The following HORMAD2 variants were observed in gnomAD, a reference collection of about 807,000 sequenced individuals.
HORMAD2 encodes the protein HORMA domain containing 2.
HORMAD2 carries 45 observed loss-of-function variants against 38.8 expected under a neutral mutation model. That is an observed-to-expected ratio of 1.16 (90% CI 0.91 to 1.49). The LOEUF is 1.49. HORMAD2 is among the 40% of genes most tolerant of loss of function. The pLI is 0.00. For synonymous variants in HORMAD2, 126 were observed against 122.8 expected (o/e 1.03, Z -0.17); for missense variants, 338 against 367.0 (o/e 0.92, Z 0.65).
intron 1 of HORMAD2, among the ~76,000 whole-genome samples, chr22:30,088,125 G>GTGTACATATACACACA (rs754223815): frequency 0.066 from 9,861 of 149,258 alleles, 416 homozygotes; most frequent in Non-Finnish European, 0.083. Flanking sequence ...ATACACACAC[G>GTGTACATATACACACA]TACACATGTG....
intron 1 of HORMAD2, among the ~76,000 whole-genome samples, chr22:30,091,465 C>G (rs1207053436): frequency 6.6e-6 from 1 of 151,754 alleles, no homozygotes; most frequent in Non-Finnish European, 1.5e-5. Context: ...AGGGTTTCAC[C>G]ATGTTGCCTA....
intron 10 of HORMAD2, among the ~76,000 whole-genome samples, chr22:30,166,967 A>G (rs1208635721): frequency 1.3e-5 from 2 of 152,244 alleles, no homozygotes; most frequent in African/African-American, 4.8e-5. Flanking sequence ...GTAACAAATT[A>G]CAAGTTTGGT....
At chr22:30,190,504 G>A in the HORMAD2 span, among the ~76,000 whole-genome samples, 1 of 152,186 alleles carries the variant, frequency 6.6e-6, no homozygotes, top group African/African-American at 2.4e-5. Flanking sequence ...GTCCCCATTG[G>A]CACCTGTTTA....
At chr22:30,188,074 T>A in the HORMAD2 span, among the ~76,000 whole-genome samples, 248 of 151,782 alleles carry the variant, frequency 1.6e-3, no homozygotes, top group African/African-American at 5.2e-3. Flanking sequence ...ATATCTTTTT[T>A]AAAAAAAACA....
intron 10 of HORMAD2, among the ~76,000 whole-genome samples, chr22:30,127,459 G>T (rs898162507): frequency 6.6e-6 from 1 of 151,874 alleles, no homozygotes; most frequent in African/African-American, 2.4e-5. Context: ...CGCCCACCTC[G>T]GCCTCCCAAA....
At chr22:30,133,895 G>A (rs1231951804) in intron 10 of HORMAD2, among the ~76,000 whole-genome samples, 1 of 152,080 alleles carries the variant, frequency 6.6e-6, no homozygotes. Context: ...GGTGTGGAGT[G>A]TGTGTGCCCT....
intron 10 of HORMAD2, among the ~76,000 whole-genome samples, chr22:30,167,022 G>A (rs12157715): frequency 5.9e-5 from 9 of 152,342 alleles, no homozygotes; most frequent in African/African-American, 2.2e-4. Context: ...CTGGATGCCA[G>A]AAGTCCAAAA....
At chr22:30,082,805 AAAAAG>A (rs1555936221) in intron 1 of HORMAD2, among the ~76,000 whole-genome samples, 33 of 151,730 alleles carry the variant, frequency 2.2e-4, no homozygotes, top group Admixed American at 5.3e-4. Context: ...CAAAAAAAAA[AAAAAG>A]AAAAGAAAAG....
At chr22:30,165,996 T>C (rs5997585) in intron 10 of HORMAD2, among the ~76,000 whole-genome samples, 32 of 151,698 alleles carry the variant, frequency 2.1e-4, no homozygotes, top group African/African-American at 7.5e-4. Flanking sequence ...TTCTTCTTCT[T>C]TTTTTATTCT....
At chr22:30,157,540 T>G (rs1282271547) in intron 10 of HORMAD2, among the ~76,000 whole-genome samples, 3 of 151,876 alleles carry the variant, frequency 2.0e-5, no homozygotes, top group African/African-American at 7.3e-5. Flanking sequence ...ATAAAAAAAG[T>G]CAGACGAATA....
chr22:30,104,678 T>C (rs1921056306), intron 5 of HORMAD2: 2 of 361,398 alleles, frequency 5.5e-6, no homozygotes, highest in Admixed American at 4.8e-5. Flanking sequence ...GAGTTTCCTC[T>C]GAAGTCACTG....
At chr22:30,145,561 A>T (rs1201857489) in intron 10 of HORMAD2, among the ~76,000 whole-genome samples, 1 of 152,232 alleles carries the variant, frequency 6.6e-6, no homozygotes, top group Non-Finnish European at 1.5e-5. Flanking sequence ...ATTTTAAAAT[A>T]TCACTGGATG....
chr22:30,108,590 T>C (rs1425237467), intron 5 of HORMAD2, among the ~76,000 whole-genome samples: 1 of 152,138 alleles, frequency 6.6e-6, no homozygotes, highest in Admixed American at 6.6e-5. Context: ...GACACCCTCC[T>C]CCCTAGCCTA....
chr22:30,142,488 T>C (rs1327625302), intron 10 of HORMAD2, among the ~76,000 whole-genome samples: 1 of 152,194 alleles, frequency 6.6e-6, no homozygotes, highest in Non-Finnish European at 1.5e-5. Context: ...GCTATTATTG[T>C]TGAATTGTCT....
intron 10 of HORMAD2, among the ~76,000 whole-genome samples, chr22:30,133,307 G>T (rs1923412731): frequency 6.6e-6 from 1 of 151,898 alleles, no homozygotes; most frequent in African/African-American, 2.4e-5. Flanking sequence ...CATAAGAGGA[G>T]TAATAATTCT....
At chr22:30,123,331 TG>T (rs1182357192) in intron 10 of HORMAD2, among the ~76,000 whole-genome samples, 1 of 152,116 alleles carries the variant, frequency 6.6e-6, no homozygotes, top group East Asian at 1.9e-4. Context: ...TAGTTTTTTT[TG>T]TTGTTGTTCT....
chr22:30,095,866 A>T (rs561976709), intron 2 of HORMAD2, among the ~76,000 whole-genome samples: 12 of 152,266 alleles, frequency 7.9e-5, no homozygotes, highest in Admixed American at 3.3e-4. Context: ...CGAACTTAAC[A>T]CATTGTTATA....
rs1321541225 is a variant in HORMAD2, at chr22:30,176,746, C to T, written c.*579C>T. On this transcript the variant is annotated 3_prime_UTR_variant, in exon 11 of 11. Transcript: ENST00000336726. ...CCAGGCCCTGTTCTGTTATCCAATCCGAAACACGGAACATGCTGCAATTCA... is the reference window on the plus strand; with the variant it reads ...CCAGGCCCTGTTCTGTTATCCAATCTGAAACACGGAACATGCTGCAATTCA... 3 of 152,778 alleles carry T rather than the reference C, an allele frequency of 2.0e-5. No homozygotes were observed. Among genetic ancestry groups the T allele is most frequent in the African/African-American group, 4.8e-5 (2 of 41,412 alleles). 9.5% of individuals were successfully genotyped at this position (152,778 alleles called of 1,614,324 possible).
chr22:30,183,108 C>T, the HORMAD2 span, among the ~76,000 whole-genome samples: 5 of 152,112 alleles, frequency 3.3e-5, no homozygotes, highest in Non-Finnish European at 7.4e-5. Flanking sequence ...ATTGAAGTAG[C>T]CCCAGAAATG....
Sources: allele counts gnomAD v4.1 joint callset (sites outside exome capture counted in the v4.1 genomes callset), GRCh38; gene constraint gnomAD v4.1.1; transcripts MANE v1.5; gene names NCBI Gene and HGNC (gene_info 2026-07-23, HGNC 2026-07-21).